ADAMTSL1: variants seen among roughly 807,000 people sequenced by gnomAD.
The protein encoded by ADAMTSL1 is ADAMTS like 1.
ADAMTSL1 carries 126 observed loss-of-function variants against 201.8 expected under a neutral mutation model. The observed-to-expected ratio is 0.62, with a 90% CI of 0.54 to 0.72. ADAMTSL1 has a LOEUF of 0.72. Among genes scored for constraint, ADAMTSL1 ranks in the 30% least tolerant of loss-of-function variants. The pLI is 0.00. For synonymous variants in ADAMTSL1, 1,121 were observed against 903.4 expected (o/e 1.24, Z -4.32); for missense variants, 2,679 against 2,277.8 (o/e 1.18, Z -3.59).
intron 3 of ADAMTSL1, among the ~76,000 whole-genome samples, chr9:18,551,571 C>CA (rs1053920103): frequency 2.8e-5 from 4 of 145,020 alleles, no homozygotes; most frequent in African/African-American, 1.0e-4. Context: ...TTTAAGTCTA[C>CA]ATGCAGTATA....
At chr9:18,714,793 C>G (rs1832818586) in intron 14 of ADAMTSL1, among the ~76,000 whole-genome samples, 1 of 151,426 alleles carries the variant, frequency 6.6e-6, no homozygotes, top group Admixed American at 6.6e-5. Context: ...GAGACACAAC[C>G]AAAAGAGAGA....
chr9:18,115,663 A>G (rs190953046), intron 1 of ADAMTSL1, among the ~76,000 whole-genome samples: 2 of 152,234 alleles, frequency 1.3e-5, no homozygotes, highest in African/African-American at 2.4e-5. Flanking sequence ...CCCTCATGAA[A>G]TGGGCATGAT....
At chr9:18,261,006 CT>C (rs1248646354) in intron 2 of ADAMTSL1, among the ~76,000 whole-genome samples, 2 of 121,584 alleles carry the variant, frequency 1.6e-5, no homozygotes, top group African/African-American at 3.2e-5. Context: ...TCTTTTTTTC[CT>C]TTTTCTTTTT....
intron 2 of ADAMTSL1, among the ~76,000 whole-genome samples, chr9:18,440,321 A>G (rs1819941929): frequency 1.3e-5 from 2 of 152,166 alleles, no homozygotes; most frequent in Non-Finnish European, 2.9e-5. Context: ...CACAAAAACA[A>G]TAACAAATCT....
At chr9:18,580,919 A>G (rs894005356) in intron 4 of ADAMTSL1, among the ~76,000 whole-genome samples, 3 of 151,920 alleles carry the variant, frequency 2.0e-5, no homozygotes, top group Non-Finnish European at 2.9e-5. Context: ...TAAAATACAG[A>G]TTTGGTTTCA....
In ADAMTSL1 at chr9:18,649,429, G is replaced by A. The variant is rs188935155; in HGVS notation, c.835-8210G>A. Among the ~76,000 whole-genome samples, 62 of 152,324 alleles carry A rather than the reference G, an allele frequency of 4.1e-4. No homozygotes were observed. In the East Asian group the frequency reaches 8.5e-3, roughly 21 times the overall value. The stretch of plus-strand genomic sequence containing the variant: ...TGTCCAGCTTTGTTCCGTTGCTGGT[G>A]AGGAGCTGCATTCCTTTGGATGAGG... On this transcript the variant is annotated intron_variant, in intron 7 of 28. Coordinates refer to ENST00000380548, the MANE Select transcript of ADAMTSL1 (RefSeq NM_001040272.6).
At chr9:18,560,940 TA>T (rs60568983) in intron 3 of ADAMTSL1, among the ~76,000 whole-genome samples, 77,310 of 145,262 alleles carry the variant, frequency 0.53, 21,040 homozygotes, top group East Asian at 0.75. Flanking sequence ...CGTTAATCTT[TA>T]AAAAAAAAAA....
chr9:18,870,798 GGTTT>G lies in ADAMTSL1; in HGVS notation c.4250-17028_4250-17025del, dbSNP rs548539383. On this transcript the variant is annotated intron_variant, in intron 23 of 28. Coordinates refer to ENST00000380548, the MANE Select transcript of ADAMTSL1 (RefSeq NM_001040272.6). The stretch of plus-strand genomic sequence containing the variant: ...TTCAAGTAGTAATTGTTTTTCTCGG[GGTTT>G]GTTTTGTTTTTGTTTAGATTTTATG... Among the ~76,000 whole-genome samples, 709 of 152,060 alleles carry G rather than the reference GGTTT, an allele frequency of 4.7e-3. 3 individuals carry two copies. The highest frequency in any genetic ancestry group is 7.6e-3 in the Admixed American group (116 of 15,258).
intron 2 of ADAMTSL1, among the ~76,000 whole-genome samples, chr9:18,247,640 C>T (rs144823431): frequency 6.3e-4 from 95 of 151,876 alleles, no homozygotes; most frequent in African/African-American, 2.2e-3. Context: ...TCTGGTGGTC[C>T]GAGAAGGTCT....
At chr9:17,921,684 A>T (rs990159275) in intron 1 of ADAMTSL1, among the ~76,000 whole-genome samples, 2 of 152,140 alleles carry the variant, frequency 1.3e-5, no homozygotes, top group Non-Finnish European at 2.9e-5. Flanking sequence ...CAGAATTATA[A>T]AAAAGACACG....
At position 18,258,555 on chromosome 9, in the gene ADAMTSL1, G is replaced by A. The variant is rs530774078; in HGVS notation, c.207+94574G>A. On this transcript the variant is annotated intron_variant, in intron 2 of 29. Transcript: ENST00000680146. ...CTTGCCATTCTGTTCCAAAGGGAGA[G>A]GTCTCACCTAGCAGAGACAATCACA... Among the ~76,000 whole-genome samples, 7 of 151,940 alleles carry A rather than the reference G, an allele frequency of 4.6e-5. No individual in the cohort carries two copies. The South Asian group carries it at 1.2e-3, about 27-fold the overall frequency.
chr9:18,173,796 T>G (rs1405694414), intron 2 of ADAMTSL1, among the ~76,000 whole-genome samples: 1 of 152,186 alleles, frequency 6.6e-6, no homozygotes, highest in Non-Finnish European at 1.5e-5. Context: ...GTGTGAATTT[T>G]ATTACTCTTT....
At chr9:18,821,681 C>T (rs1168748158) in intron 21 of ADAMTSL1, among the ~76,000 whole-genome samples, 1 of 152,122 alleles carries the variant, frequency 6.6e-6, no homozygotes, top group African/African-American at 2.4e-5. Flanking sequence ...GAATAATTGA[C>T]AAGACTGACA....
intron 23 of ADAMTSL1, among the ~76,000 whole-genome samples, chr9:18,860,668 C>G (rs984850170): frequency 8.5e-5 from 13 of 152,074 alleles, no homozygotes; most frequent in African/African-American, 3.1e-4. Context: ...CCAATTCCCA[C>G]CCCCACCATC....
chr9:18,514,396 C>G (rs527271150), intron 2 of ADAMTSL1, among the ~76,000 whole-genome samples: 1 of 133,350 alleles, frequency 7.5e-6, no homozygotes, highest in East Asian at 2.4e-4. Context: ...GCGGCACTAT[C>G]TCGGCTCACT....
rs190296187 is a variant in ADAMTSL1 at position 18,295,608 on chromosome 9, G to A, written c.207+131627G>A. ...CTGCGTCGGCCTCCCAAAGTGTTGGGATTACAGGCATGAGCCACGGTGCCC... is the reference window on the plus strand; with the variant it reads ...CTGCGTCGGCCTCCCAAAGTGTTGGAATTACAGGCATGAGCCACGGTGCCC... On this transcript the variant is annotated intron_variant, in intron 2 of 29. Transcript: ENST00000680146. Among the ~76,000 whole-genome samples, 33 of 152,286 alleles carry A rather than the reference G, an allele frequency of 2.2e-4. No individual in the cohort carries two copies. The East Asian group carries it at 6.0e-3, about 28-fold the overall frequency.
At chr9:18,394,318 C>T (rs1209607297) in intron 2 of ADAMTSL1, among the ~76,000 whole-genome samples, 8 of 152,088 alleles carry the variant, frequency 5.3e-5, no homozygotes, top group East Asian at 1.9e-4. Context: ...AGGTTAGATG[C>T]CTAATTCCAA....
At chr9:18,766,175 G>A (rs148864661) in intron 16 of ADAMTSL1, among the ~76,000 whole-genome samples, 1 of 152,150 alleles carries the variant, frequency 6.6e-6, no homozygotes, top group East Asian at 1.9e-4. Flanking sequence ...ACCATGCTTG[G>A]TTCATGATTG....
intron 2 of ADAMTSL1, among the ~76,000 whole-genome samples, chr9:18,447,557 T>C (rs765343506): frequency 6.6e-6 from 1 of 152,124 alleles, no homozygotes; most frequent in Non-Finnish European, 1.5e-5. Context: ...AGTAAAGCAA[T>C]GACATTGTCC....
Sources: gnomAD v4.1 joint callset for allele counts (sites outside exome capture counted in the v4.1 genomes callset) on GRCh38, gnomAD v4.1.1 for gene constraint, MANE v1.5 for transcripts, NCBI Gene and HGNC (gene_info 2026-07-23, HGNC 2026-07-21) for gene names.